The following FAM91A1 variants were observed in gnomAD, a reference collection of about 807,000 sequenced individuals.
The protein encoded by FAM91A1 is family with sequence similarity 91 member A1.
A neutral mutation model predicts 113.5 loss-of-function variants in FAM91A1; 41 were observed. The observed-to-expected ratio is 0.36, with a 90% CI of 0.28 to 0.47. The LOEUF is 0.47. Ranked by LOEUF, FAM91A1 falls within the 20% of genes least tolerant of loss-of-function variation. The pLI is 1.00. For missense variants in FAM91A1, 696 were observed against 1,001.2 expected, an observed-to-expected ratio of 0.70 and a Z score of 4.11; for synonymous variants, 307 against 347.9, an observed-to-expected ratio of 0.88 and a Z score of 1.31.
At chr8:123,773,940 A>G in intron 1 of FAM91A1, 140 bp from the exon 2 acceptor site, 1 of 635,444 alleles carries the variant, frequency 1.6e-6, no homozygotes, top group Non-Finnish European at 2.7e-6. Flanking sequence ...AACATTTAAG[A>G]AAATATTTTT....
intron 12 of FAM91A1, among the ~76,000 whole-genome samples, chr8:123,787,018 A>G (rs1280686495): frequency 6.6e-6 from 1 of 152,168 alleles, no homozygotes; most frequent in Admixed American, 6.5e-5. Flanking sequence ...AGCCCGAGAG[A>G]ATAGTGAGGC....
At chr8:123,784,918 T>G in intron 9 of FAM91A1, 163 bp from the exon 10 acceptor site, 7 of 521,638 alleles carry the variant, frequency 1.3e-5, no homozygotes, top group Non-Finnish European at 2.3e-5. Context: ...ATAAGGATCT[T>G]AGAGATAGGG....
chr8:123,789,666 T>A lies in FAM91A1; in HGVS notation c.1332T>A (p.Thr444=). The A allele has an allele frequency of 6.2e-7, 1 of 1,612,512 alleles. No homozygotes were observed. The highest frequency in any genetic ancestry group is 8.5e-7 in the Non-Finnish European group (1 of 1,179,796). The change falls in exon 15 of 24, where the codon ACT becomes ACA. Residue 444 remains threonine, a synonymous_variant. Coordinates refer to ENST00000334705, the MANE Select transcript of FAM91A1 (RefSeq NM_144963.4). ...AGAGATATTTTGATCATGCACTTAC[T>A]CTGAGAAACACAATACTGTTTCTGC... ...EAQRYFDHAL[T]LRNTILFLRH...
At chr8:123,794,869 T>A (rs1182580152) in intron 15 of FAM91A1, among the ~76,000 whole-genome samples, 1 of 152,222 alleles carries the variant, frequency 6.6e-6, no homozygotes, top group Non-Finnish European at 1.5e-5. Flanking sequence ...CAGTTGCCCA[T>A]CATTTCAAGA....
At chr8:123,794,644 C>T (rs1415854020) in intron 15 of FAM91A1, among the ~76,000 whole-genome samples, 3 of 152,186 alleles carry the variant, frequency 2.0e-5, no homozygotes, top group African/African-American at 4.8e-5. Flanking sequence ...TTTGTCTTTA[C>T]GTTAAATTGC....
chr8:123,799,958 T>G (rs1030895702), intron 18 of FAM91A1, 73 bp downstream of exon 18: 5 of 1,205,350 alleles, frequency 4.1e-6, no homozygotes, highest in Admixed American at 4.7e-5. Context: ...CTATATTGAG[T>G]TGCAATAAAA....
At position 123,768,661 on chromosome 8, in the gene FAM91A1, G is replaced by T. The variant is rs1226064870; in HGVS notation, c.-42G>T. 1.0e-5 allele frequency: 15 copies of T among 1,460,020 alleles called. No homozygotes were observed. Among genetic ancestry groups the T allele is most frequent in the Non-Finnish European group, 1.3e-5 (14 of 1,098,942 alleles). The allele number at this position is 1,460,020 out of a possible 1,614,324, so 90.4% of individuals were successfully genotyped here. On this transcript the variant is annotated 5_prime_UTR_variant, in exon 1 of 24. Transcript: ENST00000334705. The stretch of plus-strand genomic sequence containing the variant: ...CGGGCAGGCGGGAGGCGTAGTGTGG[G>T]TCGCGGTGGCGGCCCCGGCCGCCGG...
chr8:123,791,734 C>T (rs1420398320), intron 15 of FAM91A1, among the ~76,000 whole-genome samples: 1 of 152,138 alleles, frequency 6.6e-6, no homozygotes, highest in Non-Finnish European at 1.5e-5. Flanking sequence ...TGATGGTGCA[C>T]ATTAGTACCG....
Position 123,775,184 on chromosome 8 carries a change from G to A in FAM91A1, c.195G>A (p.Glu65=). Residue 65 remains glutamate, a synonymous_variant, in exon 3 of 24, where the codon GAG becomes GAA. Transcript: ENST00000334705. ...HVKKDERRYY[E]ELLKYSRDHL... is the part of the protein sequence containing the mutation. Reference sequence around the variant, plus strand: ...AGAAAGATGAACGCAGATACTATGAGGAACTGCTAAAGTACAGCCGAGATC... The same window carrying A: ...AGAAAGATGAACGCAGATACTATGAAGAACTGCTAAAGTACAGCCGAGATC... The A allele has an allele frequency of 6.2e-7, 1 of 1,612,382 alleles. No individual in the cohort carries two copies. Among genetic ancestry groups the A allele is most frequent in the Non-Finnish European group, 8.5e-7 (1 of 1,179,214 alleles).
chr8:123,775,401 C>T, intron 3 of FAM91A1, 103 bp downstream of exon 3: 3 of 1,371,154 alleles, frequency 2.2e-6, no homozygotes, highest in South Asian at 2.8e-5. Context: ...CTGCGGTGGA[C>T]ACTCTTTCAG....
chr8:123,806,901 C>CT (rs111568076), intron 20 of FAM91A1, among the ~76,000 whole-genome samples: 71 of 146,424 alleles, frequency 4.8e-4, no homozygotes, highest in Middle Eastern at 7.1e-3. Context: ...ATATCACTTA[C>CT]TTTTTTTTTT....
intron 14 of FAM91A1, 148 bp from the exon 15 acceptor site, chr8:123,789,465 T>C (rs1379405108): frequency 1.8e-6 from 2 of 1,082,680 alleles, no homozygotes; most frequent in Non-Finnish European, 1.3e-6. Context: ...CAACCAAGAC[T>C]GAGGTTAATA....
At chr8:123,778,159 G>A (rs1001439711) in intron 5 of FAM91A1, 67 bp downstream of exon 5, 1 of 1,199,708 alleles carries the variant, frequency 8.3e-7, no homozygotes, top group Non-Finnish European at 1.2e-6. Context: ...TTTTTAAGTG[G>A]TAGAAATAAT....
At chr8:123,807,688 TA>T (rs1815846885) in intron 20 of FAM91A1, among the ~76,000 whole-genome samples, 1 of 152,088 alleles carries the variant, frequency 6.6e-6, no homozygotes, top group African/African-American at 2.4e-5. Context: ...AGACAAAAGA[TA>T]ATGTGTTTTT....
chr8:123,776,161 G>A (rs1031171268), intron 3 of FAM91A1, among the ~76,000 whole-genome samples: 1 of 152,128 alleles, frequency 6.6e-6, no homozygotes, highest in African/African-American at 2.4e-5. Flanking sequence ...ACAGCTTTTA[G>A]GCTTGTATTG....
At position 123,785,692 on chromosome 8, in the gene FAM91A1, G is replaced by A; in HGVS notation, c.913G>A (p.Asp305Asn). Residue 305 changes from aspartate (D) to asparagine (N), a missense_variant, in exon 11 of 24, where the codon GAT becomes AAT. Transcript: ENST00000334705. Reference sequence around the variant, plus strand: ...TAAGAAGGGACAAGTAATTAATTTGGATCAACTTCATTCATCATGGAAGAA... The same window carrying A: ...TAAGAAGGGACAAGTAATTAATTTGAATCAACTTCATTCATCATGGAAGAA... ...AHKKGQVINLDQLHSSWKNVP... is the reference protein window; with the variant it reads ...AHKKGQVINLNQLHSSWKNVP... The A allele has an allele frequency of 6.2e-7, 1 of 1,608,680 alleles. No individual in the cohort carries two copies.
chr8:123,805,820 GA>G (rs2130152099), intron 19 of FAM91A1, among the ~76,000 whole-genome samples: 1 of 152,270 alleles, frequency 6.6e-6, no homozygotes, highest in Non-Finnish European at 1.5e-5. Context: ...TTTGAATATA[GA>G]GCATTTTTCT....
chr8:123,810,318 T>C lies in FAM91A1; in HGVS notation c.2298T>C (p.Ser766=), dbSNP rs760322471. 6.2e-7 allele frequency: 1 copy of C among 1,613,356 alleles called. No homozygotes were observed. Among genetic ancestry groups the C allele is most frequent in the Non-Finnish European group, 8.5e-7 (1 of 1,179,696 alleles). ...TCTTACATTCCAGTAGAAAACTCTCTCTGCAAGTCCTTAACTTTGTTCACT... is the reference window on the plus strand; with the variant it reads ...TCTTACATTCCAGTAGAAAACTCTCCCTGCAAGTCCTTAACTTTGTTCACT... ...QNLLHSSRKL[S]LQVLNFVHSF... The change falls in exon 23 of 24, where the codon TCT becomes TCC. Residue 766 remains serine, a synonymous_variant. Transcript: ENST00000334705.
intron 15 of FAM91A1, among the ~76,000 whole-genome samples, chr8:123,791,086 G>A (rs1815371375): frequency 1.3e-5 from 2 of 152,202 alleles, no homozygotes; most frequent in South Asian, 4.1e-4. Context: ...TGTTAAAGCT[G>A]TCTTGAAATA....
Sources: allele counts gnomAD v4.1 joint callset (sites outside exome capture counted in the v4.1 genomes callset), GRCh38; gene constraint gnomAD v4.1.1; transcripts MANE v1.5; gene names NCBI Gene and HGNC (gene_info 2026-07-23, HGNC 2026-07-21).